B4GALNT4: variants seen among roughly 807,000 people sequenced by gnomAD.
B4GALNT4 encodes the protein beta-1,4-N-acetyl-galactosaminyltransferase 4.
B4GALNT4 carries 77 observed loss-of-function variants against 110.0 expected under a neutral mutation model. The ratio of observed to expected loss-of-function variants is 0.70; its 90% CI spans 0.58 to 0.85. The LOEUF is 0.85. B4GALNT4 is among the 40% of genes least tolerant of loss of function. B4GALNT4 has a pLI of 0.00. For synonymous variants in B4GALNT4, 785 were observed against 655.5 expected (o/e 1.20, Z -3.02); for missense variants, 1,575 against 1,506.0 (o/e 1.05, Z -0.76).
At position 376,402 on chromosome 11, in the gene B4GALNT4, T is replaced by C; in HGVS notation, c.1298-19T>C. On this transcript the variant is annotated intron_variant, in intron 13 of 19. Coordinates refer to ENST00000329962, the MANE Select transcript of B4GALNT4 (RefSeq NM_178537.5). ...CGCACCCACCTGCGCAGGGAGCTTC[T>C]AACCCGCGTTTCCCGCAGACTTCCT... 6.2e-7 allele frequency: 1 copy of C among 1,601,824 alleles called. No individual in the cohort carries two copies. Among genetic ancestry groups the C allele is most frequent in the African/African-American group, 1.3e-5 (1 of 74,862 alleles).
rs903631255 is a variant in B4GALNT4, at chr11:375,445, C to G, written c.784-16C>G. The G allele has an allele frequency of 6.2e-7, 1 of 1,611,272 alleles. No individual in the cohort carries two copies. The highest frequency in any genetic ancestry group is 1.7e-5 in the Admixed American group (1 of 60,004). ...CCACCGCCCTGTCCCTGACCCCCAC[C>G]CTCTCTGCCCCGCAGTGGCGAGCTT... On this transcript the variant is annotated splice_polypyrimidine_tract_variant and intron_variant, in intron 8 of 19. Transcript: ENST00000329962.
intron 6 of B4GALNT4, 28 bp downstream of exon 6, chr11:373,319 C>T (rs750870048): frequency 6.3e-7 from 1 of 1,596,812 alleles, no homozygotes; most frequent in Non-Finnish European, 8.6e-7. Context: ...CTGGTGTCGT[C>T]CCGGGCCTCC....
At chr11:369,977 G>T in intron 1 of B4GALNT4, 23 bp downstream of exon 1, 2 of 622,098 alleles carry the variant, frequency 3.2e-6, no homozygotes, top group Non-Finnish European at 2.0e-6. Context: ...GGGCGCGGGG[G>T]GCGCGGGGGG....
chr11:375,731 G>T lies in B4GALNT4; in HGVS notation c.943G>T (p.Ala315Ser). The T allele has an allele frequency of 6.3e-7, 1 of 1,596,872 alleles. No homozygotes were observed. The highest frequency in any genetic ancestry group is 1.1e-5 in the South Asian group (1 of 90,802). Residue 315 changes from alanine to serine, a missense_variant, in exon 10 of 20, where the codon GCA (alanine) becomes TCA (serine). Physicochemically the swap from Ala to Ser is moderately conservative, Grantham distance 99. Transcript: ENST00000329962. ...GCGTCCGCCGCAGGAGGAGACCAGC[G>T]CAGACATGCTGCGGCCAGATCCCAG... The part of the protein sequence containing the change: ...GGRPPQEETS[A>S]DMLRPDPRDT...
rs1846885117 is a variant in B4GALNT4 at position 381,936 on chromosome 11, G to C, written c.*144G>C. The C allele has an allele frequency of 9.6e-7, 1 of 1,036,612 alleles. No homozygotes were observed. The highest frequency in any genetic ancestry group is 1.3e-6 in the Non-Finnish European group (1 of 773,334). 64.2% of individuals were successfully genotyped at this position (1,036,612 alleles called of 1,614,324 possible). On this transcript the variant is annotated 3_prime_UTR_variant, in exon 20 of 20. Coordinates refer to ENST00000329962, the MANE Select transcript of B4GALNT4 (RefSeq NM_178537.5). The stretch of plus-strand genomic sequence containing the variant: ...TGCCTGCCCCTCTCTGGCCCACTGG[G>C]CGTCGTGCCCCTCCCCGGAGAGGCA...
Position 369,766 on chromosome 11 carries a change from G to T in B4GALNT4, c.-38G>T. ...GGCGGGGGCCGGGGGCTGCAGCGGC[G>T]CCGCTGAGCGCGGCCTGGGGCGGGC... is the stretch of plus-strand genomic sequence containing the variant. On this transcript the variant is annotated 5_prime_UTR_variant, in exon 1 of 20. Transcript: ENST00000329962. The T allele has an allele frequency of 1.0e-6, 1 of 962,662 alleles. No individual in the cohort carries two copies. Among genetic ancestry groups the T allele is most frequent in the Non-Finnish European group, 1.2e-6 (1 of 812,942 alleles). The allele number at this position is 962,662 out of a possible 1,614,324, so 59.6% of individuals were successfully genotyped here.
intron 19 of B4GALNT4, among the ~76,000 whole-genome samples, chr11:381,438 G>A (rs12792311): frequency 1.3e-3 from 1 of 798 alleles, no homozygotes; most frequent in African/African-American, 8.2e-3. Flanking sequence ...TCCGCCCCCG[G>A]CCCCGGGTTC....
chr11:373,878 C>G (rs779157088), intron 8 of B4GALNT4, 50 bp downstream of exon 8: 14 of 1,573,998 alleles, frequency 8.9e-6, no homozygotes, highest in Non-Finnish European at 1.2e-5. Context: ...CTCCCCCCAC[C>G]TCCCTGCAGG....
In B4GALNT4 at chr11:375,951, C is replaced by T. The variant is rs1187555891; in HGVS notation, c.1090C>T (p.Gln364Ter). 5 of 1,611,624 alleles carry T rather than the reference C, an allele frequency of 3.1e-6. No individual in the cohort carries two copies. The highest frequency in any genetic ancestry group is 4.2e-6 in the Non-Finnish European group (5 of 1,179,392). The change falls in exon 11 of 20, where the codon CAA becomes TAA. Residue 364 changes from glutamine to a stop codon, truncating the protein, a stop_gained. Transcript: ENST00000329962. LOFTEE classifies it high-confidence loss of function. ...CCCGATCGCCAGATACCAGGGCCTG[C>T]AATTTGTGAGTGCGGCTGGAGACCC... is the stretch of plus-strand genomic sequence containing the variant. ...DFPIARYQGL[Q>*]FVYLSFVYPN...
At position 381,871 on chromosome 11, in the gene B4GALNT4, G is replaced by C; in HGVS notation, c.*79G>C. ...CTGGGCTTTGAGCTCGGTCCCGAGA[G>C]ACCCGGCAGGGCTGGTCAGAGGGGC... On this transcript the variant is annotated 3_prime_UTR_variant, in exon 20 of 20. Coordinates refer to ENST00000329962, the MANE Select transcript of B4GALNT4 (RefSeq NM_178537.5). 1.4e-6 allele frequency: 2 copies of C among 1,434,468 alleles called. No homozygotes were observed. The highest frequency in any genetic ancestry group is 3.8e-4 in the Middle Eastern group (2 of 5,216). 88.9% of individuals were successfully genotyped at this position (1,434,468 alleles called of 1,614,324 possible). A position where few individuals can be genotyped will look rare whatever the true frequency, so the allele number is the denominator to read the frequency against.
In B4GALNT4 at chr11:377,338, GGCCGAACGCGC is replaced by G. The variant is rs1349452300; in HGVS notation, c.2204+15_2204+25del. 2.7e-6 allele frequency: 4 copies of G among 1,499,048 alleles called. No homozygotes were observed. The highest frequency in any genetic ancestry group is 3.5e-6 in the Non-Finnish European group (4 of 1,129,158). The allele number at this position is 1,499,048 out of a possible 1,614,324, so 92.9% of individuals were successfully genotyped here. A position where few individuals can be genotyped will look rare whatever the true frequency, so the allele number is the denominator to read the frequency against. On this transcript the variant is annotated intron_variant, in intron 14 of 19. Coordinates refer to ENST00000329962, the MANE Select transcript of B4GALNT4 (RefSeq NM_178537.5). ...CGCGCGCCACGGCGGGTATGGGGGC[GGCCGAACGCGC>G]GCCAGGGCGGTTTTGGAGGCGGGGA... is the stretch of plus-strand genomic sequence containing the variant.
In B4GALNT4 at chr11:381,219, T is replaced by C; in HGVS notation, c.2996+268T>C. 3.6e-6 allele frequency: 3 copies of C among 841,962 alleles called. No homozygotes were observed. In the South Asian group the frequency reaches 1.6e-4, roughly 46 times the overall value. 52.2% of individuals were successfully genotyped at this position (841,962 alleles called of 1,614,324 possible). On this transcript the variant is annotated intron_variant, in intron 19 of 19. Coordinates refer to ENST00000329962, the MANE Select transcript of B4GALNT4 (RefSeq NM_178537.5). ...CCCATAGGCCCTGGGTGGCCCTGAG[T>C]CCCCATCATCCCACTGGGGCCATGC...
At chr11:378,612 A>G (rs1484992762) in intron 14 of B4GALNT4, among the ~76,000 whole-genome samples, 1 of 152,208 alleles carries the variant, frequency 6.6e-6, no homozygotes, top group Non-Finnish European at 1.5e-5. Flanking sequence ...AGTGAAAGGC[A>G]CAGACTGCCA....
chr11:372,225 C>G lies in B4GALNT4; in HGVS notation c.255+13C>G. ...AGAGGAGCAAGCGGTGAGCAGAGCC[C>G]TGGGGAGAACACGTGTGCACGGAGA... On this transcript the variant is annotated intron_variant, in intron 2 of 19. Transcript: ENST00000329962. 1 of 1,548,654 alleles carries G rather than the reference C, an allele frequency of 6.5e-7. No homozygotes were observed. The highest frequency in any genetic ancestry group is 1.2e-5 in the South Asian group (1 of 84,018).
In B4GALNT4 at chr11:379,669, G is replaced by T; in HGVS notation, c.2456G>T (p.Arg819Leu). 1 of 1,502,810 alleles carries T rather than the reference G, an allele frequency of 6.7e-7. No homozygotes were observed. 93.1% of individuals were successfully genotyped at this position (1,502,810 alleles called of 1,614,324 possible). A position where few individuals can be genotyped will look rare whatever the true frequency, so the allele number is the denominator to read the frequency against. The change falls in exon 15 of 20, where the codon CGC becomes CTC. Residue 819 changes from arginine (R) to leucine (L), a missense_variant. Transcript: ENST00000329962. Reference sequence around the variant, plus strand: ...TGCCGGCCACTGCGCCTGGCCTGGCGCCAGGACGTGATGGTTCACTTCATC... The same window carrying T: ...TGCCGGCCACTGCGCCTGGCCTGGCTCCAGGACGTGATGGTTCACTTCATC... ...ELCRPLRLAW[R>L]QDVMVHFIVP...
At position 369,948 on chromosome 11, in the gene B4GALNT4, G is replaced by C. The variant is rs892200851; in HGVS notation, c.145G>C (p.Gly49Arg). 1.6e-5 allele frequency: 16 copies of C among 976,216 alleles called. No individual in the cohort carries two copies. Among genetic ancestry groups the C allele is most frequent in the South Asian group, 4.6e-5 (1 of 21,924 alleles). The allele number at this position is 976,216 out of a possible 1,614,324, so 60.5% of individuals were successfully genotyped here. ...CGCGCTGCGCCAGCGCCTGGGCTAC[G>C]GGCGAGGTACGGCGCGGGGGGCGCG... Reference protein sequence around the residue: ...GRALRQRLGYGRDGEKLTSET... With the variant: ...GRALRQRLGYRRDGEKLTSET... The change falls in exon 1 of 20, where the codon GGG becomes CGG. Residue 49 changes from glycine to arginine, a missense_variant. Transcript: ENST00000329962.
Position 375,752 on chromosome 11 carries a change from C to A in B4GALNT4, c.964C>A (p.Pro322Thr). The change falls in exon 10 of 20, where the codon CCC (proline) becomes ACC (threonine). Residue 322 changes from proline to threonine, a missense_variant. Pro to Thr is a conservative substitution (Grantham distance 38, BLOSUM62 -1). Transcript: ENST00000329962. Reference sequence around the variant, plus strand: ...CAGCGCAGACATGCTGCGGCCAGATCCCAGGGATACCTTTTTCCTCAGTGA... The same window carrying A: ...CAGCGCAGACATGCTGCGGCCAGATACCAGGGATACCTTTTTCCTCAGTGA... ...ETSADMLRPD[P>T]RDTFFLTPRM... is the part of the protein sequence containing the mutation. The A allele has an allele frequency of 6.3e-7, 1 of 1,596,548 alleles. No homozygotes were observed. Among genetic ancestry groups the A allele is most frequent in the Non-Finnish European group, 8.5e-7 (1 of 1,175,084 alleles).
At position 376,090 on chromosome 11, in the gene B4GALNT4, T is replaced by A; in HGVS notation, c.1112T>A (p.Val371Asp). 1.3e-6 allele frequency: 2 copies of A among 1,581,554 alleles called. No individual in the cohort carries two copies. The highest frequency in any genetic ancestry group is 1.7e-6 in the Non-Finnish European group (2 of 1,153,382). The stretch of plus-strand genomic sequence containing the variant: ...ACCCCCCAGGTGTACCTGTCCTTCG[T>A]TTATCCCAACGACTACACTCGCCTC... ...QGLQFVYLSF[V>D]YPNDYTRLTH... The change falls in exon 12 of 20, where the codon GTT becomes GAT. Residue 371 changes from valine (V) to aspartate (D), a missense_variant. Val to Asp is a radical substitution (Grantham distance 152). Coordinates refer to ENST00000329962, the MANE Select transcript of B4GALNT4 (RefSeq NM_178537.5).
chr11:376,367 G>T lies in B4GALNT4; in HGVS notation c.1297+16G>T. 2.5e-6 allele frequency: 4 copies of T among 1,604,204 alleles called. No homozygotes were observed. The highest frequency in any genetic ancestry group is 3.4e-6 in the Non-Finnish European group (4 of 1,176,492). ...AACCCGGACGGTGAGTGTCCGCAGC[G>T]CCCCTGGCCCGCACCCACCTGCGCA... On this transcript the variant is annotated intron_variant, in intron 13 of 19. Transcript: ENST00000329962.
Sources: gnomAD v4.1 joint callset for allele counts (sites outside exome capture counted in the v4.1 genomes callset) on GRCh38, gnomAD v4.1.1 for gene constraint, MANE v1.5 for transcripts, NCBI Gene and HGNC (gene_info 2026-07-23, HGNC 2026-07-21) for gene names.